The following MBD5 variants were observed in gnomAD, a reference collection of about 807,000 sequenced individuals.
MBD5 encodes the protein methyl-CpG-binding domain protein 5.
MBD5 carries 13 observed loss-of-function variants against 117.3 expected under a neutral mutation model. The ratio of observed to expected loss-of-function variants is 0.11; its 90% CI spans 0.07 to 0.18. MBD5 has a LOEUF of 0.18. Ranked by LOEUF, MBD5 falls within the 10% of genes least tolerant of loss-of-function variation. MBD5 has a pLI of 1.00. For synonymous variants in MBD5, 727 were observed against 766.4 expected, an observed-to-expected ratio of 0.95 and a Z score of 0.85; for missense variants, 1,879 against 2,093.8, an observed-to-expected ratio of 0.90 and a Z score of 2.00.
intron 1 of MBD5, among the ~76,000 whole-genome samples, chr2:148,086,748 T>C (rs1361493637): frequency 2.0e-5 from 3 of 152,190 alleles, no homozygotes; most frequent in Non-Finnish European, 4.4e-5. Context: ...ATTCTTTTCT[T>C]CTTTAGATCT....
chr2:148,196,024 C>T (rs1698977745), intron 2 of MBD5, among the ~76,000 whole-genome samples: 1 of 152,190 alleles, frequency 6.6e-6, no homozygotes, highest in Non-Finnish European at 1.5e-5. Context: ...TTGATGATGA[C>T]AGCCCTCAAG....
At chr2:148,456,039 T>G (rs561556595) in intron 4 of MBD5, among the ~76,000 whole-genome samples, 7 of 152,262 alleles carry the variant, frequency 4.6e-5, no homozygotes, top group Non-Finnish European at 7.4e-5. Flanking sequence ...CGTCCTAACT[T>G]CCTCATCCCT....
chr2:148,381,033 A>G (rs528788616), intron 4 of MBD5, among the ~76,000 whole-genome samples: 1 of 152,336 alleles, frequency 6.6e-6, no homozygotes, highest in East Asian at 1.9e-4. Flanking sequence ...AACAGAGCAG[A>G]AAAACCAGAA....
chr2:148,216,457 C>T (rs1301723096), intron 2 of MBD5, among the ~76,000 whole-genome samples: 1 of 151,654 alleles, frequency 6.6e-6, no homozygotes, highest in Admixed American at 6.6e-5. Context: ...CTTTTTTTTT[C>T]TGTAGATTAG....
rs1464169048 is a variant in MBD5 at position 148,224,562 on chromosome 2, T to C, written c.-830-8683T>C. The stretch of plus-strand genomic sequence containing the variant: ...TTTTAGTAGAGACGAGGTTTCACCA[T>C]GTTGCCCAGGCTGGTCTCAAATTCC... On this transcript the variant is annotated intron_variant, in intron 2 of 13. Coordinates refer to ENST00000642680, the MANE Select transcript of MBD5 (RefSeq NM_001378120.1). Among the ~76,000 whole-genome samples, 5 of 146,566 alleles carry C rather than the reference T, an allele frequency of 3.4e-5. No individual in the cohort carries two copies. The Admixed American group carries it at 3.5e-4, about 10-fold the overall frequency.
rs569219128 is a variant in MBD5, at chr2:148,248,177, G to A, written c.-680+14782G>A. Among the ~76,000 whole-genome samples the A allele has an allele frequency of 7.2e-5, 11 of 152,178 alleles. No homozygotes were observed. The East Asian group carries it at 1.5e-3, about 21-fold the overall frequency. On this transcript the variant is annotated intron_variant, in intron 3 of 13. Transcript: ENST00000642680. ...TCTATACTTAAGGTCCCGTCAGTAC[G>A]GACGTCCAAATATCTACATCTTTAT...
At chr2:148,256,568 T>C (rs915692788) in intron 3 of MBD5, among the ~76,000 whole-genome samples, 1 of 152,250 alleles carries the variant, frequency 6.6e-6, no homozygotes, top group Non-Finnish European at 1.5e-5. Context: ...TTACCATCAG[T>C]GTCACCTCCT....
chr2:148,301,804 T>C (rs972691611), intron 3 of MBD5, among the ~76,000 whole-genome samples: 1 of 151,806 alleles, frequency 6.6e-6, no homozygotes. Flanking sequence ...AAAGGTCATA[T>C]ACCAGTTAAA....
chr2:148,156,789 C>T (rs1697887258), intron 1 of MBD5, among the ~76,000 whole-genome samples: 2 of 152,174 alleles, frequency 1.3e-5, no homozygotes, highest in Admixed American at 6.5e-5. Context: ...TAGGAAATAA[C>T]ATAAACTTAT....
At chr2:148,456,282 G>A (rs1342629314) in intron 4 of MBD5, among the ~76,000 whole-genome samples, 1 of 152,150 alleles carries the variant, frequency 6.6e-6, no homozygotes, top group Non-Finnish European at 1.5e-5. Flanking sequence ...CTACTTTCTG[G>A]TGCATGTGGT....
At chr2:148,245,649 T>C (rs1023858227) in intron 3 of MBD5, among the ~76,000 whole-genome samples, 1 of 152,178 alleles carries the variant, frequency 6.6e-6, no homozygotes, top group African/African-American at 2.4e-5. Flanking sequence ...AGTTTCTTTT[T>C]ATCTTTTGAG....
At chr2:148,177,759 G>T (rs893442760) in intron 1 of MBD5, among the ~76,000 whole-genome samples, 1 of 152,162 alleles carries the variant, frequency 6.6e-6, no homozygotes, top group African/African-American at 2.4e-5. Flanking sequence ...TGCTGAGTGT[G>T]AATATATTTT....
At chr2:148,188,198 AAATTTGAATG>A (rs1698716320) in intron 2 of MBD5, among the ~76,000 whole-genome samples, 1 of 152,216 alleles carries the variant, frequency 6.6e-6, no homozygotes, top group Non-Finnish European at 1.5e-5. Flanking sequence ...AAAAAATTCA[AAATTTGAATG>A]AATTCTAGTC....
chr2:148,361,272 C>A (rs1324701331), intron 4 of MBD5, among the ~76,000 whole-genome samples: 1 of 152,078 alleles, frequency 6.6e-6, no homozygotes, highest in Non-Finnish European at 1.5e-5. Context: ...ATCTCTTGAA[C>A]CCAGGAGGTG....
chr2:148,493,504 A>T (rs1239831550), intron 11 of MBD5, among the ~76,000 whole-genome samples: 4 of 152,230 alleles, frequency 2.6e-5, no homozygotes, highest in Admixed American at 2.6e-4. Context: ...AGGATAGAAG[A>T]TTACTATTTC....
At chr2:148,306,760 T>A (rs1299335676) in intron 3 of MBD5, among the ~76,000 whole-genome samples, 4 of 152,178 alleles carry the variant, frequency 2.6e-5, no homozygotes, top group Non-Finnish European at 5.9e-5. Context: ...TATGAACCCA[T>A]CAACTTCTAA....
chr2:148,053,927 T>C (rs1449635491), intron 1 of MBD5: 1 of 149,398 alleles, frequency 6.7e-6, no homozygotes, highest in Non-Finnish European at 1.5e-5. Flanking sequence ...TTTTTTTCTA[T>C]GACAGGGTTT....
chr2:148,261,928 G>A (rs1331715364), intron 3 of MBD5, among the ~76,000 whole-genome samples: 1 of 152,148 alleles, frequency 6.6e-6, no homozygotes, highest in Non-Finnish European at 1.5e-5. Flanking sequence ...GAGAGAGATG[G>A]GGGAACAGCC....
chr2:148,064,521 A>G (rs1212560671), intron 1 of MBD5, among the ~76,000 whole-genome samples: 1 of 152,084 alleles, frequency 6.6e-6, no homozygotes, highest in Non-Finnish European at 1.5e-5. Flanking sequence ...GATCAAAGCT[A>G]TATTCTTCTT....
Sources: allele counts gnomAD v4.1 joint callset (sites outside exome capture counted in the v4.1 genomes callset), GRCh38; gene constraint gnomAD v4.1.1; transcripts MANE v1.5; gene names NCBI Gene and HGNC (gene_info 2026-07-23, HGNC 2026-07-21).